The following ADAP1 variants were observed in gnomAD, a reference collection of about 807,000 sequenced individuals.
ADAP1 encodes ArfGAP with dual PH domains 1, also known as arf-GAP with dual PH domain-containing protein 1.
A neutral mutation model predicts 54.9 loss-of-function variants in ADAP1; 31 were observed. The ratio of observed to expected loss-of-function variants is 0.56; its 90% confidence interval spans 0.42 to 0.76. The LOEUF (loss-of-function observed/expected upper bound fraction) is 0.76. Ranked by LOEUF, ADAP1 falls within the 30% of genes least tolerant of loss-of-function variation. ADAP1 has a pLI of 0.00. For synonymous variants in ADAP1, 313 were observed against 202.6 expected (o/e 1.55, Z -4.63); for missense variants, 535 against 512.4 (o/e 1.04, Z -0.42).
intron 1 of ADAP1, among the ~76,000 whole-genome samples, chr7:952,525 G>A (rs187843895): frequency 2.0e-5 from 3 of 152,284 alleles, no homozygotes; most frequent in East Asian, 3.9e-4. Flanking sequence ...TAGAGCCCTC[G>A]AGGATGTGCC....
chr7:920,185 C>T lies in ADAP1; in HGVS notation c.306-135G>A, dbSNP rs1846133185. 15 of 676,838 alleles carry T rather than the reference C, an allele frequency of 2.2e-5. No homozygotes were observed. Among genetic ancestry groups the T allele is most frequent in the South Asian group, 2.2e-4 (12 of 54,452 alleles). The allele number at this position is 676,838 out of a possible 1,614,324, so 41.9% of individuals were successfully genotyped here. A position where few individuals can be genotyped will look rare whatever the true frequency, so the allele number is the denominator to read the frequency against. ...GGCAGACTCGAGCCGCCCCTCTGGGCACAAGATCCCGGAAGAAATGCAGGG... is the reference window on the plus strand; with the variant it reads ...GGCAGACTCGAGCCGCCCCTCTGGGTACAAGATCCCGGAAGAAATGCAGGG... On this transcript the variant is annotated intron_variant, in intron 3 of 10. Coordinates refer to ENST00000265846, the MANE Select transcript of ADAP1 (RefSeq NM_006869.4). The surrounding 1 kb of genome is among the most constrained non-coding windows in gnomAD (Gnocchi z 4.5).
At position 954,439 on chromosome 7, in the gene ADAP1, C is replaced by A. The variant is rs1213776036; in HGVS notation, c.39G>T (p.Leu13=). 3 of 1,136,912 alleles carry A rather than the reference C, an allele frequency of 2.6e-6. No homozygotes were observed. The highest frequency in any genetic ancestry group is 4.0e-4 in the Middle Eastern group (1 of 2,524). 70.4% of individuals were successfully genotyped at this position (1,136,912 alleles called of 1,614,324 possible). ...CGCAGCGCGCGTTCCCCGGCCGCTG[C>A]AGCAGCTCCAGGACCGCCCTGCGCC... ...KERRRAVLEL[L]QRPGNARCAD... Residue 13 remains leucine, a synonymous_variant, in exon 1 of 11, where the codon CTG becomes CTT. Transcript: ENST00000265846.
At chr7:910,747 T>G (rs1262085589) in intron 4 of ADAP1, among the ~76,000 whole-genome samples, 2 of 152,138 alleles carry the variant, frequency 1.3e-5, no homozygotes, top group Non-Finnish European at 2.9e-5. Context: ...CATCCCCATA[T>G]CTCATGGGGC....
At chr7:915,346 C>G (rs1845891556) in intron 4 of ADAP1, among the ~76,000 whole-genome samples, 6 of 152,214 alleles carry the variant, frequency 3.9e-5, no homozygotes, top group Admixed American at 3.9e-4. Flanking sequence ...CACACCCATC[C>G]AGGGGAGAGA....
chr7:903,342 G>A lies in ADAP1; in HGVS notation c.648+784C>T, dbSNP rs974949905. 5.9e-5 allele frequency among the ~76,000 whole-genome samples: 9 copies of A among 152,192 alleles called. No individual in the cohort carries two copies. In the South Asian group the frequency reaches 6.2e-4, roughly 10 times the overall value. On this transcript the variant is annotated intron_variant, in intron 6 of 10. Coordinates refer to ENST00000265846, the MANE Select transcript of ADAP1 (RefSeq NM_006869.4). Reference sequence around the variant, plus strand: ...AAAGAGCTGGAACCTCTACTTCCACGTGGGAAGTTGTCAGATGGTGCCTAA... The same window carrying A: ...AAAGAGCTGGAACCTCTACTTCCACATGGGAAGTTGTCAGATGGTGCCTAA...
Position 937,124 on chromosome 7 carries a change from A to ACCTCTGGGATTTGGGGGTCACGCCCGG in ADAP1, c.83-1646_83-1620dup, listed in dbSNP as rs1562934058. Among the ~76,000 whole-genome samples the ACCTCTGGGATTTGGGGGTCACGCCCGG allele has an allele frequency of 3.7e-3, 162 of 43,392 alleles. 11 individuals are homozygous for ACCTCTGGGATTTGGGGGTCACGCCCGG. The highest frequency in any genetic ancestry group is 0.016 in the African/African-American group (129 of 8,102). 28.5% of individuals were successfully genotyped at this position (43,392 alleles called of 152,430 possible). A position where few individuals can be genotyped will look rare whatever the true frequency, so the allele number is the denominator to read the frequency against. On this transcript the variant is annotated intron_variant, in intron 1 of 10. Transcript: ENST00000265846. ...GCCTCGGATTTGGGGGTCACGCCCGACCTCTGGGATTTGGGGGTCACGCCC... is the reference window on the plus strand; with the variant it reads ...GCCTCGGATTTGGGGGTCACGCCCGACCTCTGGGATTTGGGGGTCACGCCCGGCCTCTGGGATTTGGGGGTCACGCCC...
chr7:930,597 T>C (rs1284123537), intron 2 of ADAP1, among the ~76,000 whole-genome samples: 1 of 151,256 alleles, frequency 6.6e-6, no homozygotes, highest in Non-Finnish European at 1.5e-5. Context: ...GGGGGATGGA[T>C]CACCTGAGGC....
chr7:935,938 G>A (rs1846747136), intron 1 of ADAP1, among the ~76,000 whole-genome samples: 1 of 152,214 alleles, frequency 6.6e-6, no homozygotes, highest in South Asian at 2.1e-4. Context: ...GGGAAATTCA[G>A]ATAGGATCTG....
At chr7:918,636 C>G (rs943196661) in intron 4 of ADAP1, among the ~76,000 whole-genome samples, 15 of 152,190 alleles carry the variant, frequency 9.9e-5, no homozygotes, top group Non-Finnish European at 2.9e-5. Flanking sequence ...ACCAAACATC[C>G]CCATCCAGCC....
intron 5 of ADAP1, 146 bp from the exon 6 acceptor site, chr7:904,418 C>G: frequency 9.8e-7 from 1 of 1,020,278 alleles, no homozygotes; most frequent in Middle Eastern, 3.2e-4. Flanking sequence ...GAGCCTTGGC[C>G]TCCCGGTCTG....
intron 4 of ADAP1, among the ~76,000 whole-genome samples, chr7:910,259 C>T (rs1317953895): frequency 1.3e-5 from 2 of 151,720 alleles, no homozygotes; most frequent in Non-Finnish European, 2.9e-5. Context: ...AGCCCACACC[C>T]GTTTACGAGG....
At chr7:928,260 G>C (rs1438075243) in intron 2 of ADAP1, among the ~76,000 whole-genome samples, 1 of 152,076 alleles carries the variant, frequency 6.6e-6, no homozygotes, top group African/African-American at 2.4e-5. Context: ...CCAGCACTTT[G>C]GGAGGCCGAG....
At chr7:950,767 G>T (rs1261119002) in intron 1 of ADAP1, among the ~76,000 whole-genome samples, 1 of 145,334 alleles carries the variant, frequency 6.9e-6, no homozygotes, top group Non-Finnish European at 1.5e-5. Flanking sequence ...TGAGGCAGGA[G>T]AATCGTTTGA....
In ADAP1 at chr7:898,804, C is replaced by G; in HGVS notation, c.*117G>C. 1 of 1,424,446 alleles carries G rather than the reference C, an allele frequency of 7.0e-7. No individual in the cohort carries two copies. Among genetic ancestry groups the G allele is most frequent in the African/African-American group, 1.4e-5 (1 of 70,688 alleles). 88.2% of individuals were successfully genotyped at this position (1,424,446 alleles called of 1,614,324 possible). ...TCGGGCCCTACCTGGCCGCGCCGGG[C>G]TGCCCTGAGGAGCAGGTGGGGCCAG... is the stretch of plus-strand genomic sequence containing the variant. On this transcript the variant is annotated 3_prime_UTR_variant, in exon 11 of 11. Coordinates refer to ENST00000265846, the MANE Select transcript of ADAP1 (RefSeq NM_006869.4).
chr7:927,574 C>T (rs2128107042), intron 2 of ADAP1: 1 of 457,868 alleles, frequency 2.2e-6, no homozygotes, highest in Non-Finnish European at 4.5e-6. Context: ...TGGCAGTAAA[C>T]AGGGAGGGCC....
chr7:914,564 G>T (rs1845853887), intron 4 of ADAP1, among the ~76,000 whole-genome samples: 1 of 152,150 alleles, frequency 6.6e-6, no homozygotes, highest in Admixed American at 6.5e-5. Flanking sequence ...GCTCAGGGTG[G>T]GGGCCATGGG....
intron 4 of ADAP1, among the ~76,000 whole-genome samples, 179 bp downstream of exon 4, chr7:919,772 AGAGGGAGGGAGATGGGG>A: frequency 2.3e-4 from 1 of 4,334 alleles, no homozygotes; most frequent in South Asian, 7.0e-3. Context: ...GGAAGGGGGG[AGAGGGAGGGAGATGGGG>A]GAGGGAGGGA....
chr7:949,869 A>G (rs1200434975), intron 1 of ADAP1, among the ~76,000 whole-genome samples: 5 of 152,244 alleles, frequency 3.3e-5, no homozygotes, highest in Non-Finnish European at 7.3e-5. Flanking sequence ...AAAACCAGGT[A>G]GGGGAAACCT....
chr7:944,196 C>T (rs1847081767), intron 1 of ADAP1, among the ~76,000 whole-genome samples: 1 of 151,876 alleles, frequency 6.6e-6, no homozygotes, highest in South Asian at 2.1e-4. Flanking sequence ...GGATTACAGG[C>T]ATGAGCCACT....
Sources: allele counts gnomAD v4.1 joint callset (sites outside exome capture counted in the v4.1 genomes callset), GRCh38; gene constraint gnomAD v4.1.1; non-coding constraint Gnocchi (gnomAD v3.1); transcripts MANE v1.5; gene names NCBI Gene and HGNC (gene_info 2026-07-23, HGNC 2026-07-21).